Variants in MEF2C observed in about 807,000 individuals in gnomAD.
The protein encoded by MEF2C is myocyte enhancer factor 2C, also known as myocyte-specific enhancer factor 2C.
MEF2C carries 6 observed loss-of-function variants against 50.5 expected under a neutral mutation model. The observed-to-expected ratio is 0.12, with a 90% CI of 0.07 to 0.23. The LOEUF is 0.23. Ranked by LOEUF, MEF2C falls within the 10% of genes least tolerant of loss-of-function variation. The pLI, the probability that MEF2C is intolerant of heterozygous loss-of-function variation, is 1.00. For missense variants in MEF2C, 276 were observed against 605.0 expected, an observed-to-expected ratio of 0.46 and a Z score of 5.70; for synonymous variants, 183 against 228.0, an observed-to-expected ratio of 0.80 and a Z score of 1.78.
intron 1 of MEF2C, among the ~76,000 whole-genome samples, chr5:88,878,249 A>C (rs1831722120): frequency 6.6e-6 from 1 of 152,008 alleles, no homozygotes. Context: ...GAAACTCATG[A>C]ATGTTTTTGT....
chr5:88,854,501 T>C (rs1348409231), intron 1 of MEF2C, among the ~76,000 whole-genome samples: 2 of 152,320 alleles, frequency 1.3e-5, no homozygotes, highest in East Asian at 3.9e-4. Flanking sequence ...GAAAGTCAGA[T>C]GTGGGAAAGA....
At chr5:88,727,737 A>G (rs907285787) in intron 10 of MEF2C, among the ~76,000 whole-genome samples, 24 of 152,134 alleles carry the variant, frequency 1.6e-4, no homozygotes, top group African/African-American at 5.5e-4. Context: ...TATTAAATTT[A>G]CAGTCAGGCT....
chr5:88,869,288 TATATATAC>T (rs1561420736), intron 1 of MEF2C, among the ~76,000 whole-genome samples: 5,129 of 70,014 alleles, frequency 0.073, 114 homozygotes, highest in Admixed American at 0.1. Context: ...CATATATATA[TATATATAC>T]ACATATATAT....
chr5:88,808,543 A>G (rs10942540), intron 2 of MEF2C, among the ~76,000 whole-genome samples: 12,179 of 152,228 alleles, frequency 0.08, 580 homozygotes, highest in Non-Finnish European at 0.098. Flanking sequence ...CAAAGAAGTC[A>G]GTGCATATAG....
chr5:88,862,631 G>C (rs1825886468), intron 1 of MEF2C, among the ~76,000 whole-genome samples: 1 of 151,916 alleles, frequency 6.6e-6, no homozygotes, highest in Non-Finnish European at 1.5e-5. Context: ...TCTATATAAA[G>C]TATTCTTGGG....
intron 1 of MEF2C, chr5:88,843,198 T>C (rs1817984913): frequency 2.3e-6 from 1 of 431,502 alleles, no homozygotes; most frequent in African/African-American, 2.2e-5. Context: ...GTTATATGTG[T>C]ATTTTGCTTG....
At chr5:88,746,753 G>A in intron 6 of MEF2C, 1 of 944,242 alleles carries the variant, frequency 1.1e-6, no homozygotes, top group Non-Finnish European at 1.3e-6. Flanking sequence ...AGAAGGGGAA[G>A]ATGGCTGAGT....
intron 1 of MEF2C, among the ~76,000 whole-genome samples, chr5:88,845,768 T>C (rs1432428727): frequency 2.0e-5 from 3 of 152,192 alleles, no homozygotes; most frequent in Non-Finnish European, 2.9e-5. Flanking sequence ...TTTTTTGAGA[T>C]GGAGTCTCGC....
chr5:88,842,367 C>T (rs576646971), intron 1 of MEF2C, among the ~76,000 whole-genome samples: 3 of 151,884 alleles, frequency 2.0e-5, no homozygotes, highest in South Asian at 4.2e-4. Flanking sequence ...TCTAGTAAAA[C>T]AAGAAAGCTA....
rs561342360 is a variant in MEF2C, at chr5:88,751,826, T to C, written c.589+31A>G. ...GCCGAAAATGGTTCCTTCCAACTAT[T>C]TGTTAGCATTACATCCTTATGAGGA... is the stretch of plus-strand genomic sequence containing the variant. On this transcript the variant is annotated intron_variant, in intron 5 of 10. Coordinates refer to ENST00000504921, the MANE Select transcript of MEF2C (RefSeq NM_002397.5). 2.5e-5 allele frequency: 40 copies of C among 1,602,326 alleles called. No homozygotes were observed. In the South Asian group the frequency reaches 4.2e-4, roughly 17 times the overall value.
In MEF2C at chr5:88,719,115, C is replaced by T. The variant is rs1440073562; in HGVS notation, c.*3489G>A. On this transcript the variant is annotated 3_prime_UTR_variant, in exon 11 of 11. Coordinates refer to ENST00000504921, the MANE Select transcript of MEF2C (RefSeq NM_002397.5). ...AACAAAATAAAGAGGGCAAAAAATG[C>T]TATCTCTAAGTTAAAAGATGGGTAT... 6.6e-6 allele frequency: 1 copy of T among 152,176 alleles called. No homozygotes were observed. Among genetic ancestry groups the T allele is most frequent in the Non-Finnish European group, 1.5e-5 (1 of 68,016 alleles). 9.4% of individuals were successfully genotyped at this position (152,176 alleles called of 1,614,324 possible).
intron 1 of MEF2C, among the ~76,000 whole-genome samples, chr5:88,834,118 G>A (rs1814107786): frequency 2.0e-5 from 3 of 152,090 alleles, no homozygotes; most frequent in Admixed American, 2.0e-4. Context: ...CACACTGTTC[G>A]AATACTTCAG....
At chr5:88,763,469 G>A (rs1388941448) in intron 3 of MEF2C, among the ~76,000 whole-genome samples, 1 of 152,056 alleles carries the variant, frequency 6.6e-6, no homozygotes, top group African/African-American at 2.4e-5. Flanking sequence ...GTATTATGAT[G>A]TGTTTCTGCT....
intron 6 of MEF2C, chr5:88,734,750 A>G (rs1281849791): frequency 1.0e-6 from 1 of 983,106 alleles, no homozygotes; most frequent in Admixed American, 6.2e-5. Flanking sequence ...AAACTAAAAA[A>G]ATTGATTTTA....
At chr5:88,741,870 A>C in intron 6 of MEF2C, 1 of 985,390 alleles carries the variant, frequency 1.0e-6, no homozygotes, top group Non-Finnish European at 1.2e-6. Flanking sequence ...CACAGTGAAC[A>C]CTTAGCACCT....
intron 1 of MEF2C, among the ~76,000 whole-genome samples, chr5:88,848,890 C>A (rs576682922): frequency 6.6e-6 from 1 of 152,188 alleles, no homozygotes; most frequent in South Asian, 2.1e-4. Flanking sequence ...TGGTGGCTAA[C>A]GCATGTAATC....
chr5:88,853,740 A>C (rs1822245479), intron 1 of MEF2C, among the ~76,000 whole-genome samples: 1 of 152,200 alleles, frequency 6.6e-6, no homozygotes, highest in African/African-American at 2.4e-5. Flanking sequence ...AACCCTTTCC[A>C]ATGTACTTGA....
intron 1 of MEF2C, among the ~76,000 whole-genome samples, chr5:88,867,331 G>A (rs1216502674): frequency 6.6e-6 from 1 of 152,122 alleles, no homozygotes; most frequent in African/African-American, 2.4e-5. Context: ...GATCATGTAT[G>A]TGAGATTTTG....
intron 8 of MEF2C, 126 bp from the exon 9 acceptor site, chr5:88,729,473 C>T (rs1271248153): frequency 1.1e-6 from 1 of 901,128 alleles, no homozygotes; most frequent in African/African-American, 1.7e-5. Context: ...AATCATTTAA[C>T]ATGTGTCTCT....
Sources: gnomAD v4.1 joint callset for allele counts (sites outside exome capture counted in the v4.1 genomes callset) on GRCh38, gnomAD v4.1.1 for gene constraint, MANE v1.5 for transcripts, NCBI Gene and HGNC (gene_info 2026-07-23, HGNC 2026-07-21) for gene names.